ARL15: variants seen among roughly 807,000 people sequenced by gnomAD.
The protein encoded by ARL15 is ARF like GTPase 15.
ARL15 carries 19 observed loss-of-function variants against 25.2 expected under a neutral mutation model. The observed-to-expected ratio is 0.75, with a 90% CI of 0.53 to 1.10. The LOEUF (loss-of-function observed/expected upper bound fraction) is 1.10. Ranked by LOEUF, ARL15 falls within the 50% of genes least tolerant of loss-of-function variation. The probability of loss-of-function intolerance (pLI) is 0.00; values close to 1 mark genes in which losing one functional copy is unlikely to be tolerated. For synonymous variants in ARL15, 94 were observed against 86.8 expected (o/e 1.08, Z -0.46); for missense variants, 220 against 246.0 (o/e 0.89, Z 0.71).
intron 4 of ARL15, among the ~76,000 whole-genome samples, chr5:53,910,775 C>T (rs1229333427): frequency 6.6e-6 from 1 of 150,548 alleles, no homozygotes; most frequent in Non-Finnish European, 1.5e-5. Flanking sequence ...TGTCACAGAT[C>T]ATGATTCCCC....
chr5:54,161,627 C>A (rs978010876), intron 2 of ARL15, among the ~76,000 whole-genome samples: 2 of 152,142 alleles, frequency 1.3e-5, no homozygotes, highest in Non-Finnish European at 2.9e-5. Context: ...AGACTTGGCA[C>A]AGTTTATCTG....
chr5:53,938,915 T>TA (rs1223431573), intron 4 of ARL15, among the ~76,000 whole-genome samples: 3 of 152,250 alleles, frequency 2.0e-5, no homozygotes, highest in East Asian at 1.9e-4. Context: ...AGTCTGGCCA[T>TA]ATTAGCGTCA....
intron 4 of ARL15, among the ~76,000 whole-genome samples, chr5:53,978,927 T>C (rs796566623): frequency 1.3e-5 from 2 of 152,190 alleles, no homozygotes; most frequent in South Asian, 4.1e-4. Context: ...TTGTATAAAA[T>C]ATAAAGCATT....
intron 2 of ARL15, among the ~76,000 whole-genome samples, chr5:54,165,987 C>G (rs1261578297): frequency 6.6e-6 from 1 of 152,068 alleles, no homozygotes; most frequent in Non-Finnish European, 1.5e-5. Context: ...GGAGGACAAT[C>G]TGTCAAAATC....
intron 1 of ARL15, among the ~76,000 whole-genome samples, chr5:54,252,425 A>C (rs976652745): frequency 2.6e-5 from 4 of 152,226 alleles, no homozygotes; most frequent in African/African-American, 9.6e-5. Context: ...AACACTTGCT[A>C]CTTAGAAGTT....
chr5:53,952,239 G>C (rs1746998649), intron 4 of ARL15, among the ~76,000 whole-genome samples: 1 of 152,104 alleles, frequency 6.6e-6, no homozygotes, highest in Non-Finnish European at 1.5e-5. Context: ...TTCAGCCTGG[G>C]CAACAGAGTG....
At chr5:54,004,433 C>T (rs2111740791) in intron 4 of ARL15, among the ~76,000 whole-genome samples, 1 of 149,938 alleles carries the variant, frequency 6.7e-6, no homozygotes, top group Admixed American at 6.7e-5. Context: ...GTGGAGGTTG[C>T]AGTGAGCTGA....
At chr5:53,938,249 T>TA (rs3839227) in intron 4 of ARL15, among the ~76,000 whole-genome samples, 67 of 149,348 alleles carry the variant, frequency 4.5e-4, no homozygotes, top group African/African-American at 1.4e-3. Flanking sequence ...AACATTCTGC[T>TA]AAAAAAAAAA....
intron 4 of ARL15, among the ~76,000 whole-genome samples, chr5:54,069,877 C>T (rs1751366407): frequency 6.6e-6 from 1 of 151,376 alleles, no homozygotes; most frequent in African/African-American, 2.4e-5. Context: ...GTTTCACCAC[C>T]TTGGCCAGGC....
chr5:54,170,832 T>TGGAA, intron 2 of ARL15, among the ~76,000 whole-genome samples: 1 of 152,198 alleles, frequency 6.6e-6, no homozygotes, highest in East Asian at 1.9e-4. Context: ...GCTGAAATCA[T>TGGAA]CGCTTATCTC....
chr5:53,924,121 A>C (rs1394840722), intron 4 of ARL15, among the ~76,000 whole-genome samples: 1 of 152,186 alleles, frequency 6.6e-6, no homozygotes, highest in East Asian at 1.9e-4. Flanking sequence ...TATTTGTCTG[A>C]CATTGTGTCA....
Position 54,151,493 on chromosome 5 carries a change from A to G in ARL15, c.253+3087T>C, listed in dbSNP as rs1007307219. On this transcript the variant is annotated intron_variant, in intron 3 of 4. Coordinates refer to ENST00000504924, the MANE Select transcript of ARL15 (RefSeq NM_019087.3). ...TTCTCTGCCCATAGGACCATGCTAG[A>G]CCCATAATTAATTGTGGTAAAATGA... 3.3e-5 allele frequency among the ~76,000 whole-genome samples: 5 copies of G among 152,186 alleles called. No homozygotes were observed. The East Asian group carries it at 9.6e-4, about 29-fold the overall frequency.
At chr5:54,086,206 A>T (rs1751960617) in intron 4 of ARL15, among the ~76,000 whole-genome samples, 1 of 152,118 alleles carries the variant, frequency 6.6e-6, no homozygotes, top group South Asian at 2.1e-4. Context: ...GAGCCACCGT[A>T]CTTGGCCTCT....
At chr5:54,200,421 A>C (rs1561264176) in intron 1 of ARL15, among the ~76,000 whole-genome samples, 1 of 152,084 alleles carries the variant, frequency 6.6e-6, no homozygotes, top group Non-Finnish European at 1.5e-5. Context: ...GAGGCACTGC[A>C]TCCAAATTTG....
chr5:54,231,265 T>C (rs1756663055), intron 1 of ARL15, among the ~76,000 whole-genome samples: 1 of 152,164 alleles, frequency 6.6e-6, no homozygotes, highest in Admixed American at 6.6e-5. Context: ...TCTCCTTCAC[T>C]GACCCATCCA....
chr5:53,931,535 G>C (rs948211433), intron 4 of ARL15, among the ~76,000 whole-genome samples: 2 of 152,150 alleles, frequency 1.3e-5, no homozygotes, highest in Admixed American at 6.5e-5. Flanking sequence ...CATTAGGCAG[G>C]CATGACCAAA....
At chr5:54,164,781 T>C (rs1561249436) in intron 2 of ARL15, among the ~76,000 whole-genome samples, 3 of 152,058 alleles carry the variant, frequency 2.0e-5, no homozygotes, top group Admixed American at 2.0e-4. Context: ...AGTCAGTATT[T>C]GGTTGGGTCT....
chr5:53,893,381 C>T (rs1433191186), intron 4 of ARL15, among the ~76,000 whole-genome samples: 2 of 152,046 alleles, frequency 1.3e-5, no homozygotes, highest in African/African-American at 4.8e-5. Context: ...CAGAGGTGGG[C>T]GGATCATGAG....
At chr5:54,039,800 TAAAAAAAAAAAAA>T (rs35030165) in intron 4 of ARL15, among the ~76,000 whole-genome samples, 21 of 52,546 alleles carry the variant, frequency 4.0e-4, no homozygotes, top group African/African-American at 1.5e-3. Context: ...AGACTCTGTC[TAAAAAAAAAAAAA>T]AAAAAAAAAA....
Sources: gnomAD v4.1 joint callset for allele counts (sites outside exome capture counted in the v4.1 genomes callset) on GRCh38, gnomAD v4.1.1 for gene constraint, MANE v1.5 for transcripts, NCBI Gene and HGNC (gene_info 2026-07-23, HGNC 2026-07-21) for gene names.